LGSN: variants seen among roughly 807,000 people sequenced by gnomAD.
LGSN encodes lengsin.
In LGSN, 21 loss-of-function variants were observed where a neutral mutation model predicts 19.5. The ratio of observed to expected loss-of-function variants is 1.07; its 90% CI spans 0.76 to 1.55. The LOEUF (loss-of-function observed/expected upper bound fraction) is 1.55. Among genes scored for constraint, LGSN ranks in the 40% most tolerant of loss-of-function variants. LGSN has a pLI of 0.00. For missense variants in LGSN, 673 were observed against 608.5 expected (o/e 1.11, Z -1.12); for synonymous variants, 257 against 215.6 (o/e 1.19, Z -1.68).
chr6:63,408,261 A>ATG, the LGSN span, among the ~76,000 whole-genome samples: 2 of 150,858 alleles, frequency 1.3e-5, no homozygotes, highest in Admixed American at 1.3e-4. Flanking sequence ...GAGGCATAAC[A>ATG]CTACCTGACT....
intron 2 of LGSN, chr6:63,293,903 A>G (rs1163411960): frequency 5.1e-6 from 2 of 391,662 alleles, no homozygotes; most frequent in African/African-American, 4.2e-5. Flanking sequence ...ACTGTTTTCA[A>G]CTGTCTCTTA....
At chr6:63,295,418 AT>A (rs1767947094) in intron 1 of LGSN, among the ~76,000 whole-genome samples, 1 of 152,046 alleles carries the variant, frequency 6.6e-6, no homozygotes, top group South Asian at 2.1e-4. Flanking sequence ...TATGATTTCT[AT>A]TTTTTAGGAT....
chr6:63,287,647 G>A (rs1767594970), intron 2 of LGSN, among the ~76,000 whole-genome samples: 1 of 152,108 alleles, frequency 6.6e-6, no homozygotes, highest in African/African-American at 2.4e-5. Context: ...GGTAGAGGTT[G>A]CAGTGAGCAA....
chr6:63,514,633 A>T, the LGSN span, among the ~76,000 whole-genome samples: 13 of 152,212 alleles, frequency 8.5e-5, no homozygotes, highest in African/African-American at 3.1e-4. Flanking sequence ...CAAATCATTA[A>T]ACCTTGTCAT....
the LGSN span, among the ~76,000 whole-genome samples, chr6:63,549,898 T>C: frequency 6.6e-6 from 1 of 152,158 alleles, no homozygotes; most frequent in South Asian, 2.1e-4. Flanking sequence ...TTCTGTAGCA[T>C]TGTAAGATGC....
At chr6:63,408,596 T>A in the LGSN span, among the ~76,000 whole-genome samples, 1 of 150,204 alleles carries the variant, frequency 6.7e-6, no homozygotes, top group South Asian at 2.1e-4. Context: ...AACCTAGGCA[T>A]TACCAATCAG....
chr6:63,528,791 T>C, the LGSN span, among the ~76,000 whole-genome samples: 1 of 150,842 alleles, frequency 6.6e-6, no homozygotes. Flanking sequence ...ATATCAACTT[T>C]GGTGGCACCC....
the LGSN span, among the ~76,000 whole-genome samples, chr6:63,477,676 C>CTTTTTTTT: frequency 1.7e-5 from 1 of 58,432 alleles, no homozygotes. Context: ...TCTTCTTCTT[C>CTTTTTTTT]TTCTTTTTTT....
At chr6:63,525,289 T>C in the LGSN span, among the ~76,000 whole-genome samples, 1 of 152,210 alleles carries the variant, frequency 6.6e-6, no homozygotes, top group African/African-American at 2.4e-5. Flanking sequence ...CTTGTGATGC[T>C]GAAGCCGGTT....
the LGSN span, among the ~76,000 whole-genome samples, chr6:63,460,739 T>G: frequency 6.6e-6 from 1 of 152,184 alleles, no homozygotes; most frequent in Non-Finnish European, 1.5e-5. Flanking sequence ...ATTTTTCCTT[T>G]TCTGTCCCAG....
rs1767212041 is a variant in LGSN at position 63,279,649 on chromosome 6, T to TC, written c.*371dup. 1 of 160,714 alleles carries TC rather than the reference T, an allele frequency of 6.2e-6. No homozygotes were observed. The highest frequency in any genetic ancestry group is 2.4e-5 in the African/African-American group (1 of 41,574). The allele number at this position is 160,714 out of a possible 1,614,324, so 10.0% of individuals were successfully genotyped here. A position where few individuals can be genotyped will look rare whatever the true frequency, so the allele number is the denominator to read the frequency against. On this transcript the variant is annotated 3_prime_UTR_variant, in exon 4 of 4. Coordinates refer to ENST00000370657, the MANE Select transcript of LGSN (RefSeq NM_016571.3). ...AAATTTTTTCTCCTTTTCTTTTTTT[T>TC]CTTTTTTAGTCATTTAAATTTTGCT...
At chr6:63,329,274 C>G in the LGSN span, among the ~76,000 whole-genome samples, 1 of 152,158 alleles carries the variant, frequency 6.6e-6, no homozygotes, top group Non-Finnish European at 1.5e-5. Context: ...GACGTGTGGT[C>G]TGTGGGATCC....
the LGSN span, among the ~76,000 whole-genome samples, chr6:63,570,684 A>G: frequency 1.3e-5 from 2 of 152,252 alleles, no homozygotes; most frequent in East Asian, 3.8e-4. Context: ...ATTACATGAA[A>G]AAGTTTCACT....
the LGSN span, chr6:63,441,327 AACCTCCAGC>A: frequency 4.2e-6 from 2 of 472,226 alleles, no homozygotes; most frequent in Non-Finnish European, 8.5e-6. Context: ...CCGTTTGGTC[AACCTCCAGC>A]ACCTGGCTCT....
the LGSN span, among the ~76,000 whole-genome samples, chr6:63,350,605 A>G: frequency 6.6e-6 from 1 of 152,200 alleles, no homozygotes; most frequent in African/African-American, 2.4e-5. Context: ...TAATCCCAGC[A>G]CTTTGGGAGG....
the LGSN span, among the ~76,000 whole-genome samples, chr6:63,410,631 A>T: frequency 1.3e-5 from 2 of 152,236 alleles, no homozygotes; most frequent in East Asian, 3.8e-4. Flanking sequence ...CACTAAAGCC[A>T]GTATTGGCTC....
the LGSN span, among the ~76,000 whole-genome samples, chr6:63,423,105 G>T: frequency 6.6e-6 from 1 of 152,206 alleles, no homozygotes; most frequent in African/African-American, 2.4e-5. Flanking sequence ...CCAACACTTT[G>T]GGAGGTCAAG....
At chr6:63,503,684 G>A in the LGSN span, among the ~76,000 whole-genome samples, 2 of 152,180 alleles carry the variant, frequency 1.3e-5, no homozygotes, top group African/African-American at 2.4e-5. Flanking sequence ...GGAGGGCGAG[G>A]CTGGTGGATT....
chr6:63,546,151 A>G, the LGSN span, among the ~76,000 whole-genome samples: 1 of 152,230 alleles, frequency 6.6e-6, no homozygotes, highest in Non-Finnish European at 1.5e-5. Context: ...AAAGAAAACC[A>G]TATACATAAC....
Sources: allele counts gnomAD v4.1 joint callset (sites outside exome capture counted in the v4.1 genomes callset), GRCh38; gene constraint gnomAD v4.1.1; transcripts MANE v1.5; gene names NCBI Gene and HGNC (gene_info 2026-07-23, HGNC 2026-07-21).